The following NR2C2 variants were observed in gnomAD, a reference collection of about 807,000 sequenced individuals.
NR2C2 encodes the protein nuclear receptor subfamily 2 group C member 2.
NR2C2 carries 6 observed loss-of-function variants against 62.9 expected under a neutral mutation model. That is an observed-to-expected ratio of 0.10 (90% CI 0.05 to 0.19). The LOEUF (loss-of-function observed/expected upper bound fraction) is 0.19, where lower values mean the gene tolerates loss of function less well. Among genes scored for constraint, NR2C2 ranks in the 10% least tolerant of loss-of-function variants. NR2C2 has a pLI of 1.00. For missense variants in NR2C2, 479 were observed against 762.7 expected (o/e 0.63, Z 4.38); for synonymous variants, 272 against 273.8 (o/e 0.99, Z 0.07).
At chr3:15,007,348 C>T (rs1042684887) in intron 2 of NR2C2, among the ~76,000 whole-genome samples, 22 of 150,724 alleles carry the variant, frequency 1.5e-4, no homozygotes, top group Middle Eastern at 3.3e-3. Flanking sequence ...AGGATGGTCT[C>T]GGTCTCCTGA....
intron 1 of NR2C2, among the ~76,000 whole-genome samples, chr3:14,966,762 A>G (rs1640092044): frequency 6.6e-6 from 1 of 152,212 alleles, no homozygotes; most frequent in East Asian, 1.9e-4. Context: ...GTTGGGTGAT[A>G]TGAAATAACT....
intron 13 of NR2C2, among the ~76,000 whole-genome samples, chr3:15,040,266 G>A (rs1559312576): frequency 6.6e-6 from 1 of 152,170 alleles, no homozygotes; most frequent in Non-Finnish European, 1.5e-5. Flanking sequence ...AGGCTTTCCA[G>A]CCAAGGATGG....
intron 1 of NR2C2, among the ~76,000 whole-genome samples, chr3:14,986,101 C>T (rs2040506931): frequency 6.6e-6 from 1 of 152,010 alleles, no homozygotes; most frequent in Non-Finnish European, 1.5e-5. Context: ...TCAGTGCCCC[C>T]TTTTTAAACA....
Position 15,048,013 on chromosome 3 carries a change from T to G in NR2C2, c.*5005T>G, listed in dbSNP as rs189107315. 1.8e-3 allele frequency: 280 copies of G among 152,692 alleles called. 3 individuals are homozygous for G. Among genetic ancestry groups the G allele is most frequent in the Non-Finnish European group, 2.2e-3 (148 of 68,034 alleles). The allele number at this position is 152,692 out of a possible 1,614,324, so 9.5% of individuals were successfully genotyped here. On this transcript the variant is annotated 3_prime_UTR_variant, in exon 14 of 14. Coordinates refer to ENST00000425241, the MANE Select transcript of NR2C2 (RefSeq NM_001291694.2). ...TGAGAGCCAGGGCCTGGCCCAGCAGTAGTTGCTCATAGACCTGGGAAGCAG... is the reference window on the plus strand; with the variant it reads ...TGAGAGCCAGGGCCTGGCCCAGCAGGAGTTGCTCATAGACCTGGGAAGCAG...
At chr3:15,008,189 A>C (rs2041244811) in intron 2 of NR2C2, among the ~76,000 whole-genome samples, 1 of 151,782 alleles carries the variant, frequency 6.6e-6, no homozygotes, top group African/African-American at 2.4e-5. Context: ...CTCAATTTTT[A>C]GATGTTAGCA....
At chr3:15,004,675 G>T in intron 2 of NR2C2, 1 of 1,561,674 alleles carries the variant, frequency 6.4e-7, no homozygotes, top group Non-Finnish European at 8.8e-7. Context: ...TGATGACAAA[G>T]ATTTATTGTT....
intron 3 of NR2C2, among the ~76,000 whole-genome samples, chr3:15,014,501 A>G (rs2041449319): frequency 6.6e-6 from 1 of 152,062 alleles, no homozygotes; most frequent in Admixed American, 6.5e-5. Context: ...TAAAATACAC[A>G]TAATATAAAA....
rs891620775 is a variant in NR2C2, at chr3:15,048,791, A to ACAAG, written c.*5785_*5788dup. ...TGAAAAGCTGCACATTTTTCACAGTACAAGCCGTAGTTTTTACCTGTAGTT... is the reference window on the plus strand; with the variant it reads ...TGAAAAGCTGCACATTTTTCACAGTACAAGCAAGCCGTAGTTTTTACCTGTAGTT... On this transcript the variant is annotated 3_prime_UTR_variant, in exon 14 of 14. Coordinates refer to ENST00000425241, the MANE Select transcript of NR2C2 (RefSeq NM_001291694.2). 4.6e-5 allele frequency: 7 copies of ACAAG among 152,654 alleles called. No homozygotes were observed. The highest frequency in any genetic ancestry group is 1.7e-4 in the African/African-American group (7 of 41,464). 9.5% of individuals were successfully genotyped at this position (152,654 alleles called of 1,614,324 possible). A position where few individuals can be genotyped will look rare whatever the true frequency, so the allele number is the denominator to read the frequency against.
At chr3:15,025,354 G>A (rs1379401800) in intron 7 of NR2C2, among the ~76,000 whole-genome samples, 1 of 152,164 alleles carries the variant, frequency 6.6e-6, no homozygotes, top group Non-Finnish European at 1.5e-5. Context: ...CTTCTTTCCT[G>A]CACTTGTAAA....
At chr3:15,034,515 C>T in intron 10 of NR2C2, 155 bp from the exon 11 acceptor site, 1 of 626,666 alleles carries the variant, frequency 1.6e-6, no homozygotes, top group South Asian at 2.4e-5. Context: ...TCATAGACTT[C>T]ATCCTTTTCT....
chr3:15,004,526 A>G (rs375550333), intron 2 of NR2C2: 38 of 1,593,060 alleles, frequency 2.4e-5, no homozygotes, highest in Middle Eastern at 1.7e-4. Context: ...TAACTAATCG[A>G]TATTCACTTA....
At chr3:15,020,342 G>A (rs940971995) in intron 4 of NR2C2, among the ~76,000 whole-genome samples, 2 of 152,212 alleles carry the variant, frequency 1.3e-5, no homozygotes, top group African/African-American at 2.4e-5. Flanking sequence ...TGTGCCACTC[G>A]TGGCAGGACA....
chr3:15,010,587 C>T (rs2041324854), intron 2 of NR2C2, among the ~76,000 whole-genome samples: 1 of 151,748 alleles, frequency 6.6e-6, no homozygotes, highest in Admixed American at 6.6e-5. Flanking sequence ...TGGTGCTTAC[C>T]TGTAGTCCCA....
At chr3:15,038,174 C>G in intron 12 of NR2C2, 37 bp downstream of exon 12, 1 of 1,575,698 alleles carries the variant, frequency 6.3e-7, no homozygotes, top group Non-Finnish European at 8.6e-7. Context: ...CCCCTTTCCA[C>G]CTGTATCTAC....
chr3:14,971,307 G>A (rs1396043348), intron 1 of NR2C2, among the ~76,000 whole-genome samples: 1 of 151,386 alleles, frequency 6.6e-6, no homozygotes, highest in African/African-American at 2.5e-5. Flanking sequence ...TAGTAGAGAT[G>A]GGGTTTCACC....
intron 2 of NR2C2, among the ~76,000 whole-genome samples, chr3:15,005,392 T>TTA (rs2041140901): frequency 2.8e-5 from 4 of 141,408 alleles, no homozygotes; most frequent in South Asian, 2.2e-4. Context: ...TTTTTTTTTT[T>TTA]TATAAATAGG....
intron 2 of NR2C2, among the ~76,000 whole-genome samples, chr3:15,009,607 C>T (rs2041293183): frequency 6.6e-6 from 1 of 152,200 alleles, no homozygotes; most frequent in East Asian, 1.9e-4. Context: ...CTTAACGTTA[C>T]TTCATTCCCC....
At chr3:15,035,944 C>T (rs2042091323) in intron 11 of NR2C2, among the ~76,000 whole-genome samples, 1 of 152,220 alleles carries the variant, frequency 6.6e-6, no homozygotes, top group African/African-American at 2.4e-5. Context: ...GGGAGAACCA[C>T]TTGAACCTGG....
At chr3:14,957,441 A>G (rs1046502241) in intron 1 of NR2C2, among the ~76,000 whole-genome samples, 1 of 152,194 alleles carries the variant, frequency 6.6e-6, no homozygotes, top group Non-Finnish European at 1.5e-5. Context: ...GAGCTAATTC[A>G]AAGTCATTGT....
Sources: gnomAD v4.1 joint callset for allele counts (sites outside exome capture counted in the v4.1 genomes callset) on GRCh38, gnomAD v4.1.1 for gene constraint, MANE v1.5 for transcripts, NCBI Gene and HGNC (gene_info 2026-07-23, HGNC 2026-07-21) for gene names.